Variants in PPM1L observed in about 807,000 individuals in gnomAD.
PPM1L encodes the protein protein phosphatase, Mg2+/Mn2+ dependent 1L, also known as protein phosphatase 1L.
A neutral mutation model predicts 31.4 loss-of-function variants in PPM1L; 13 were observed. That is an observed-to-expected ratio of 0.41 (90% CI 0.27 to 0.66). PPM1L has a LOEUF of 0.66. PPM1L is among the 30% of genes least tolerant of loss of function. PPM1L has a pLI of 0.29. For missense variants in PPM1L, 326 were observed against 453.7 expected (o/e 0.72, Z 2.56); for synonymous variants, 184 against 175.4 (o/e 1.05, Z -0.39).
At chr3:161,045,353 T>C (rs969074369) in intron 2 of PPM1L, among the ~76,000 whole-genome samples, 2 of 152,180 alleles carry the variant, frequency 1.3e-5, no homozygotes, top group African/African-American at 2.4e-5. Flanking sequence ...TATTCCAAAA[T>C]TGACCACATA....
chr3:160,777,269 CATG>C (rs1560104463), intron 1 of PPM1L, among the ~76,000 whole-genome samples: 1 of 152,024 alleles, frequency 6.6e-6, no homozygotes, highest in African/African-American at 2.4e-5. Context: ...TGCAGTGAGC[CATG>C]ATAATACCAC....
chr3:160,810,690 C>T (rs1712778650), intron 1 of PPM1L, among the ~76,000 whole-genome samples: 1 of 152,170 alleles, frequency 6.6e-6, no homozygotes, highest in Non-Finnish European at 1.5e-5. Context: ...GATGACCTGC[C>T]AGCAAATCCT....
rs772462600 is a variant in PPM1L, at chr3:160,914,739, G to A, written c.400-46997G>A. ...AGTCTTTGCTATTGTGAATAGTGCC[G>A]CACTAAACATATGTGTGCATGTGTC... On this transcript the variant is annotated intron_variant, in intron 1 of 3. Transcript: ENST00000498165. 2.4e-4 allele frequency among the ~76,000 whole-genome samples: 37 copies of A among 151,966 alleles called. 1 individual carries two copies. The highest frequency in any genetic ancestry group is 3.1e-4 in the Non-Finnish European group (21 of 68,008).
At chr3:160,992,053 G>A (rs545211679) in intron 2 of PPM1L, among the ~76,000 whole-genome samples, 1 of 152,226 alleles carries the variant, frequency 6.6e-6, no homozygotes, top group South Asian at 2.1e-4. Flanking sequence ...GCACAGGGAG[G>A]TTAAGTAGCT....
intron 1 of PPM1L, among the ~76,000 whole-genome samples, chr3:160,910,207 CCCTTTCCCCTTCCCCTTT>C (rs1278351479): frequency 4.9e-4 from 50 of 101,280 alleles, no homozygotes; most frequent in Admixed American, 1.1e-3. Context: ...CCTTCCCTGT[CCCTTTCCCCTTCCCCTTT>C]CCTTTCCCCT....
intron 1 of PPM1L, among the ~76,000 whole-genome samples, chr3:160,861,157 C>T (rs1711873462): frequency 6.6e-6 from 1 of 152,156 alleles, no homozygotes; most frequent in African/African-American, 2.4e-5. Flanking sequence ...TATTTGCTGA[C>T]TCCAAGGCCA....
intron 1 of PPM1L, among the ~76,000 whole-genome samples, chr3:160,827,930 G>C (rs537520239): frequency 7.3e-4 from 111 of 152,162 alleles, no homozygotes; most frequent in Non-Finnish European, 1.2e-3. Flanking sequence ...GCGGGAGCAG[G>C]CATGTCACAA....
chr3:160,931,752 G>A (rs1267477151), intron 1 of PPM1L, among the ~76,000 whole-genome samples: 1 of 152,194 alleles, frequency 6.6e-6, no homozygotes, highest in Non-Finnish European at 1.5e-5. Flanking sequence ...TTAGGATGTA[G>A]TATTTTCCAG....
intron 1 of PPM1L, among the ~76,000 whole-genome samples, chr3:160,851,056 A>G (rs1711507881): frequency 6.6e-6 from 1 of 152,030 alleles, no homozygotes; most frequent in Admixed American, 6.6e-5. Context: ...ATACCTTTTT[A>G]ATTTTCTTCC....
intron 2 of PPM1L, among the ~76,000 whole-genome samples, chr3:161,046,110 CAAA>C (rs58794623): frequency 7.0e-4 from 35 of 50,304 alleles, no homozygotes; most frequent in African/African-American, 2.6e-3. Flanking sequence ...GACTCTGTCT[CAAA>C]AAAAAAAAAA....
chr3:160,978,227 C>G (rs1436537236), intron 2 of PPM1L, among the ~76,000 whole-genome samples: 1 of 152,152 alleles, frequency 6.6e-6, no homozygotes, highest in African/African-American at 2.4e-5. Flanking sequence ...AATGGTAGTT[C>G]CACAGACATT....
rs192573285 is a variant in PPM1L at position 160,968,927 on chromosome 3, G to A, written c.574+7017G>A. 2.0e-3 allele frequency among the ~76,000 whole-genome samples: 304 copies of A among 152,294 alleles called. 5 individuals are homozygous for A. Among genetic ancestry groups the A allele is most frequent in the Admixed American group, 0.018 (268 of 15,298 alleles). On this transcript the variant is annotated intron_variant, in intron 2 of 3. Coordinates refer to ENST00000498165, the MANE Select transcript of PPM1L (RefSeq NM_139245.4). ...AAGGGCTTTCTGTTCTTACAGTTTG[G>A]CTAGAAACCTATACAGCCTTCCAAT...
At chr3:160,901,217 T>C (rs1713531986) in intron 1 of PPM1L, among the ~76,000 whole-genome samples, 1 of 152,170 alleles carries the variant, frequency 6.6e-6, no homozygotes. Flanking sequence ...TCCCATTGTA[T>C]ACTTTATATC....
intron 1 of PPM1L, among the ~76,000 whole-genome samples, chr3:160,921,812 C>T (rs1480858763): frequency 6.6e-6 from 1 of 152,022 alleles, no homozygotes; most frequent in African/African-American, 2.4e-5. Flanking sequence ...AGATACAACC[C>T]CATTTGAGGA....
chr3:160,802,704 A>G (rs960366576), intron 1 of PPM1L, among the ~76,000 whole-genome samples: 3 of 152,350 alleles, frequency 2.0e-5, no homozygotes, highest in Middle Eastern at 3.4e-3. Flanking sequence ...ACAGTGTGGT[A>G]TAGTAGAAAG....
In PPM1L at chr3:160,885,900, G is replaced by C. The variant is rs777688204; in HGVS notation, c.400-75836G>C. 5.3e-4 allele frequency among the ~76,000 whole-genome samples: 81 copies of C among 152,312 alleles called. 3 individuals carry two copies. Among genetic ancestry groups the C allele is most frequent in the East Asian group, 7.7e-4 (4 of 5,166 alleles). ...CTGTGTAAGCCATGTGAGCTCCTTG[G>C]GGGAGGGGCAGCAGCCAGCACTGGG... On this transcript the variant is annotated intron_variant, in intron 1 of 3. Coordinates refer to ENST00000498165, the MANE Select transcript of PPM1L (RefSeq NM_139245.4).
chr3:161,034,760 GT>G (rs1193486870), intron 2 of PPM1L, among the ~76,000 whole-genome samples: 3 of 151,848 alleles, frequency 2.0e-5, no homozygotes, highest in Non-Finnish European at 2.9e-5. Flanking sequence ...TAGATGACGG[GT>G]TGATGGGTGC....
At chr3:160,765,455 G>C (rs1325957911) in intron 1 of PPM1L, among the ~76,000 whole-genome samples, 1 of 152,188 alleles carries the variant, frequency 6.6e-6, no homozygotes, top group East Asian at 1.9e-4. Flanking sequence ...TGGTGTTTTT[G>C]AAAACCCTAT....
intron 1 of PPM1L, among the ~76,000 whole-genome samples, chr3:160,947,829 T>G (rs939640189): frequency 3.3e-5 from 5 of 152,204 alleles, no homozygotes; most frequent in Non-Finnish European, 7.3e-5. Context: ...ACTGTTAGTC[T>G]AAAGACGGAC....
Sources: allele counts gnomAD v4.1 joint callset (sites outside exome capture counted in the v4.1 genomes callset), GRCh38; gene constraint gnomAD v4.1.1; transcripts MANE v1.5; gene names NCBI Gene and HGNC (gene_info 2026-07-23, HGNC 2026-07-21).